The following PTPN13 variants were observed in gnomAD, a reference collection of about 807,000 sequenced individuals.
PTPN13 encodes protein tyrosine phosphatase non-receptor type 13, also known as tyrosine-protein phosphatase non-receptor type 13.
A neutral mutation model predicts 284.0 loss-of-function variants in PTPN13; 191 were observed. That is an observed-to-expected ratio of 0.67 (90% CI 0.60 to 0.76). The LOEUF is 0.76. Among genes scored for constraint, PTPN13 ranks in the 30% least tolerant of loss-of-function variants. The pLI, the probability that PTPN13 is intolerant of heterozygous loss-of-function variation, is 0.00. For synonymous variants in PTPN13, 986 were observed against 1,022.3 expected, an observed-to-expected ratio of 0.96 and a Z score of 0.68; for missense variants, 2,797 against 2,939.9, an observed-to-expected ratio of 0.95 and a Z score of 1.12.
chr4:86,798,176 T>C (rs1222549869), intron 41 of PTPN13, among the ~76,000 whole-genome samples: 2 of 152,166 alleles, frequency 1.3e-5, no homozygotes, highest in Non-Finnish European at 2.9e-5. Flanking sequence ...CCTGGTAATT[T>C]CCCACTGAAG....
At chr4:86,734,510 C>G (rs530497728) in intron 13 of PTPN13, 54 bp downstream of exon 13, 11 of 1,402,104 alleles carry the variant, frequency 7.8e-6, no homozygotes, top group Admixed American at 5.3e-5. Context: ...TCTTTTGACC[C>G]TTTAGCTTAC....
chr4:86,601,428 C>T (rs1764285346), intron 1 of PTPN13, among the ~76,000 whole-genome samples: 1 of 151,854 alleles, frequency 6.6e-6, no homozygotes, highest in Admixed American at 6.6e-5. Context: ...TAACATATTC[C>T]CCTATGTTCA....
At chr4:86,729,498 T>C (rs1042330613) in intron 10 of PTPN13, among the ~76,000 whole-genome samples, 1 of 149,724 alleles carries the variant, frequency 6.7e-6, no homozygotes, top group African/African-American at 2.4e-5. Flanking sequence ...AGATTTGGTC[T>C]TTTCACATAT....
At chr4:86,758,222 C>T (rs1480980062) in intron 20 of PTPN13, 38 bp from the exon 21 acceptor site, 13 of 1,397,384 alleles carry the variant, frequency 9.3e-6, no homozygotes, top group Non-Finnish European at 1.3e-5. Flanking sequence ...AATGCCTGAG[C>T]ATGTTATATT....
intron 2 of PTPN13, chr4:86,661,144 A>C: frequency 2.2e-6 from 1 of 448,844 alleles, no homozygotes; most frequent in Non-Finnish European, 4.5e-6. Context: ...GTTCCCTCCT[A>C]GTCAATTCTT....
intron 1 of PTPN13, among the ~76,000 whole-genome samples, chr4:86,621,124 A>C (rs1289902974): frequency 6.6e-6 from 1 of 152,012 alleles, no homozygotes; most frequent in East Asian, 1.9e-4. Context: ...TAGAAGGCAC[A>C]CAAAGCCTGG....
chr4:86,669,283 A>ATG (rs1317066410), intron 2 of PTPN13, among the ~76,000 whole-genome samples: 12 of 77,620 alleles, frequency 1.5e-4, no homozygotes, highest in African/African-American at 2.2e-4. Context: ...TGGGAAGAAG[A>ATG]TGTATATATA....
At chr4:86,625,396 C>T (rs1453017975) in intron 1 of PTPN13, among the ~76,000 whole-genome samples, 2 of 152,108 alleles carry the variant, frequency 1.3e-5, no homozygotes, top group Admixed American at 6.6e-5. Flanking sequence ...CCTCCCTCAT[C>T]CCAACCTTGG....
chr4:86,608,573 T>C (rs1764998370), intron 1 of PTPN13, among the ~76,000 whole-genome samples: 1 of 152,134 alleles, frequency 6.6e-6, no homozygotes, highest in African/African-American at 2.4e-5. Flanking sequence ...AATAACTTTA[T>C]GGTAAATACT....
At chr4:86,777,189 G>A (rs1740755567) in intron 35 of PTPN13, among the ~76,000 whole-genome samples, 1 of 152,110 alleles carries the variant, frequency 6.6e-6, no homozygotes, top group Non-Finnish European at 1.5e-5. Flanking sequence ...CGTTCTGAAG[G>A]TCTGAAATAC....
chr4:86,798,789 C>T (rs1198184316), intron 41 of PTPN13, among the ~76,000 whole-genome samples: 3 of 152,142 alleles, frequency 2.0e-5, no homozygotes, highest in South Asian at 2.1e-4. Context: ...AGCTATATGC[C>T]GGTACAATTG....
At chr4:86,727,948 A>G (rs1734471551) in intron 10 of PTPN13, among the ~76,000 whole-genome samples, 1 of 149,566 alleles carries the variant, frequency 6.7e-6, no homozygotes, top group Non-Finnish European at 1.5e-5. Flanking sequence ...TCTTGTGGGC[A>G]TTTAGTGCTA....
In PTPN13 at chr4:86,796,874, G is replaced by T; in HGVS notation, c.6346G>T (p.Ala2116Ser). The part of the protein sequence containing the change: ...GSPLPEYFTE[A>S]TKMNGCEEYC... ...TGATTCTTATATATTTTTATTGTAG[G>T]CCACCAAAATGAATGGCTGTGAAGA... Residue 2116 changes from alanine (A) to serine (S), a missense_variant and splice_region_variant, in exon 41 of 48, where the codon GCC (alanine) becomes TCC (serine). By Grantham distance (99) the Ala-to-Ser change is moderately conservative (BLOSUM62 1). Transcript: ENST00000411767. 1 of 1,475,016 alleles carries T rather than the reference G, an allele frequency of 6.8e-7. No individual in the cohort carries two copies. Among genetic ancestry groups the T allele is most frequent in the Non-Finnish European group, 9.3e-7 (1 of 1,073,728 alleles). 91.4% of individuals were successfully genotyped at this position (1,475,016 alleles called of 1,614,324 possible).
Position 86,732,652 on chromosome 4 carries a change from C to A in PTPN13, c.1744C>A (p.Gln582Lys). The A allele has an allele frequency of 6.2e-7, 1 of 1,613,440 alleles. No homozygotes were observed. Among genetic ancestry groups the A allele is most frequent in the East Asian group, 2.2e-5 (1 of 44,808 alleles). ...AGTAAACATAATGCTTCTGAACGGG[C>A]AAAGACTGGAACTGACCTGTGATAC... ...RKVNIMLLNG[Q>K]RLELTCDTKT... is the part of the protein sequence containing the mutation. Residue 582 changes from glutamine (Q) to lysine (K), a missense_variant, in exon 12 of 48, where the codon CAA becomes AAA. By Grantham distance (53) the Gln-to-Lys change is moderately conservative (BLOSUM62 1). Coordinates refer to ENST00000411767, the MANE Select transcript of PTPN13 (RefSeq NM_080683.3).
At chr4:86,658,653 C>T (rs1348244447) in intron 2 of PTPN13, among the ~76,000 whole-genome samples, 1 of 152,098 alleles carries the variant, frequency 6.6e-6, no homozygotes, top group Non-Finnish European at 1.5e-5. Flanking sequence ...GTTTATGAAG[C>T]ATTCAATGAG....
intron 16 of PTPN13, among the ~76,000 whole-genome samples, chr4:86,742,227 T>G (rs1014694545): frequency 2.2e-4 from 34 of 152,228 alleles, no homozygotes; most frequent in Non-Finnish European, 5.9e-5. Context: ...AACTGTTATT[T>G]GAATCTCAGA....
intron 1 of PTPN13, among the ~76,000 whole-genome samples, chr4:86,611,416 A>G (rs1719870565): frequency 6.6e-6 from 1 of 152,200 alleles, no homozygotes; most frequent in African/African-American, 2.4e-5. Flanking sequence ...ATCAGGGATG[A>G]TTGAACTGGG....
rs1763387140 is a variant in PTPN13 at position 86,594,381 on chromosome 4, G to C, written c.-414G>C. 1 of 152,318 alleles carries C rather than the reference G, an allele frequency of 6.6e-6. No homozygotes were observed. The highest frequency in any genetic ancestry group is 1.5e-5 in the Non-Finnish European group (1 of 68,072). The allele number at this position is 152,318 out of a possible 1,614,324, so 9.4% of individuals were successfully genotyped here. A position where few individuals can be genotyped will look rare whatever the true frequency, so the allele number is the denominator to read the frequency against. Reference sequence around the variant, plus strand: ...ATGCTCACGGCCCCTGGAGACCGTCGTGCTGGCGAGCCGTGCTCCGTAGCT... The same window carrying C: ...ATGCTCACGGCCCCTGGAGACCGTCCTGCTGGCGAGCCGTGCTCCGTAGCT... On this transcript the variant is annotated 5_prime_UTR_variant, in exon 1 of 48. Transcript: ENST00000411767.
At chr4:86,750,358 T>C in intron 17 of PTPN13, 112 bp from the exon 18 acceptor site, 1 of 989,660 alleles carries the variant, frequency 1.0e-6, no homozygotes, top group Non-Finnish European at 1.5e-6. Context: ...TACCTACTTA[T>C]GCTGGCAATC....
Sources: allele counts gnomAD v4.1 joint callset (sites outside exome capture counted in the v4.1 genomes callset), GRCh38; gene constraint gnomAD v4.1.1; transcripts MANE v1.5; gene names NCBI Gene and HGNC (gene_info 2026-07-23, HGNC 2026-07-21).